The following SUGCT variants were observed in gnomAD, a reference collection of about 807,000 sequenced individuals.
SUGCT encodes succinyl-CoA:glutarate-CoA transferase, also known as succinyl-CoA:glutarate CoA-transferase.
SUGCT carries 41 observed loss-of-function variants against 55.0 expected under a neutral mutation model. The observed-to-expected ratio is 0.74, with a 90% confidence interval of 0.58 to 0.97. The LOEUF is 0.97. Ranked by LOEUF, SUGCT falls within the 50% of genes least tolerant of loss-of-function variation. SUGCT has a pLI of 0.00. For synonymous variants in SUGCT, 187 were observed against 200.4 expected, an observed-to-expected ratio of 0.93 and a Z score of 0.56; for missense variants, 568 against 547.8, an observed-to-expected ratio of 1.04 and a Z score of -0.37.
chr7:40,533,855 C>A (rs1006899717), intron 12 of SUGCT, among the ~76,000 whole-genome samples: 1 of 152,098 alleles, frequency 6.6e-6, no homozygotes, highest in African/African-American at 2.4e-5. Flanking sequence ...CATTATTACT[C>A]CCTATTGGTT....
intron 12 of SUGCT, among the ~76,000 whole-genome samples, chr7:40,569,442 G>A (rs1308727768): frequency 6.6e-6 from 1 of 152,176 alleles, no homozygotes; most frequent in African/African-American, 2.4e-5. Flanking sequence ...GCACATCTCC[G>A]CAGGAACTAG....
chr7:40,243,633 T>C (rs536774501), intron 7 of SUGCT, among the ~76,000 whole-genome samples: 12 of 151,918 alleles, frequency 7.9e-5, no homozygotes, highest in African/African-American at 2.7e-4. Flanking sequence ...ATATGTGATG[T>C]TGACAACGAA....
In SUGCT at chr7:40,514,046, T is replaced by C. The variant is rs1265916450; in HGVS notation, c.1089+17660T>C. Among the ~76,000 whole-genome samples the C allele has an allele frequency of 3.3e-5, 5 of 152,012 alleles. No individual in the cohort carries two copies. The South Asian group carries it at 1.0e-3, about 32-fold the overall frequency. ...ACCTCGTGATCCGCCCGCCTCGGCC[T>C]CCCAAAGTGCTGGGATTACAGGTGT... On this transcript the variant is annotated intron_variant, in intron 12 of 13. Coordinates refer to ENST00000335693, the MANE Select transcript of SUGCT (RefSeq NM_001193313.2).
At chr7:40,285,126 G>A (rs574964187) in intron 8 of SUGCT, among the ~76,000 whole-genome samples, 11 of 152,144 alleles carry the variant, frequency 7.2e-5, no homozygotes, top group Non-Finnish European at 1.2e-4. Context: ...TTATGGTGAT[G>A]TAACTTAATT....
chr7:40,343,908 G>A (rs1294053778), intron 9 of SUGCT, among the ~76,000 whole-genome samples: 7 of 152,060 alleles, frequency 4.6e-5, no homozygotes, highest in African/African-American at 9.7e-5. Flanking sequence ...TGCCCGCCTC[G>A]GCCTCCCAAA....
the SUGCT span, among the ~76,000 whole-genome samples, chr7:40,937,410 A>T: frequency 1.3e-5 from 2 of 152,138 alleles, no homozygotes; most frequent in Non-Finnish European, 2.9e-5. Flanking sequence ...ACCTCAGGTG[A>T]TCCACCTGCC....
intron 13 of SUGCT, among the ~76,000 whole-genome samples, chr7:40,786,528 A>G (rs188166968): frequency 6.6e-6 from 1 of 152,354 alleles, no homozygotes; most frequent in East Asian, 1.9e-4. Context: ...AGAGTATACT[A>G]GCAGAAACAA....
the SUGCT span, among the ~76,000 whole-genome samples, chr7:40,938,971 C>T: frequency 6.6e-6 from 1 of 152,182 alleles, no homozygotes; most frequent in Admixed American, 6.5e-5. Flanking sequence ...AATTGTGCTG[C>T]AATAAACATA....
chr7:40,898,486 G>GA, the SUGCT span, among the ~76,000 whole-genome samples: 5 of 91,560 alleles, frequency 5.5e-5, no homozygotes, highest in South Asian at 6.5e-4. Flanking sequence ...AGGTCGGGGG[G>GA]GGGGGGGGGG....
At chr7:40,399,539 T>C (rs1785946841) in intron 9 of SUGCT, among the ~76,000 whole-genome samples, 1 of 152,166 alleles carries the variant, frequency 6.6e-6, no homozygotes, top group African/African-American at 2.4e-5. Context: ...CACCAGGAGA[T>C]TGAGAGTTTC....
chr7:40,750,733 G>C (rs1295883662), intron 13 of SUGCT, among the ~76,000 whole-genome samples: 1 of 152,130 alleles, frequency 6.6e-6, no homozygotes, highest in Admixed American at 6.6e-5. Flanking sequence ...ATTATGCATG[G>C]ATTAAGGAAG....
At chr7:40,651,665 G>A (rs191642527) in intron 12 of SUGCT, among the ~76,000 whole-genome samples, 2 of 151,818 alleles carry the variant, frequency 1.3e-5, no homozygotes, top group African/African-American at 4.8e-5. Context: ...ATCTTTGATT[G>A]TTGCTACTTT....
At chr7:40,614,931 C>T (rs1490123393) in intron 12 of SUGCT, among the ~76,000 whole-genome samples, 1 of 151,936 alleles carries the variant, frequency 6.6e-6, no homozygotes. Context: ...TAGCAGGTGC[C>T]TATAATCCCA....
At chr7:40,199,138 C>T (rs1786457017) in intron 6 of SUGCT, among the ~76,000 whole-genome samples, 1 of 151,948 alleles carries the variant, frequency 6.6e-6, no homozygotes, top group Non-Finnish European at 1.5e-5. Context: ...AATGGTATTG[C>T]TCTCTTGTCA....
intron 9 of SUGCT, among the ~76,000 whole-genome samples, chr7:40,435,626 G>A (rs1788131200): frequency 6.6e-6 from 1 of 152,098 alleles, no homozygotes; most frequent in Admixed American, 6.6e-5. Flanking sequence ...CCTCCCCAGA[G>A]CTCACTCTCC....
At chr7:40,962,299 T>C in the SUGCT span, among the ~76,000 whole-genome samples, 1 of 152,028 alleles carries the variant, frequency 6.6e-6, no homozygotes, top group African/African-American at 2.4e-5. Flanking sequence ...GTTCTCCAAG[T>C]TCCCTACCCA....
the SUGCT span, among the ~76,000 whole-genome samples, chr7:40,921,543 A>G: frequency 6.6e-6 from 1 of 152,242 alleles, no homozygotes; most frequent in Non-Finnish European, 1.5e-5. Context: ...GGCTTAGTGT[A>G]GGCTGGAATA....
chr7:40,822,014 AT>A (rs1240050891), intron 13 of SUGCT, among the ~76,000 whole-genome samples: 3 of 152,012 alleles, frequency 2.0e-5, no homozygotes, highest in Non-Finnish European at 4.4e-5. Flanking sequence ...CCTTCATTTC[AT>A]TATGTACCCA....
intron 1 of SUGCT, among the ~76,000 whole-genome samples, chr7:40,145,438 C>T (rs1458671769): frequency 6.6e-6 from 1 of 151,918 alleles, no homozygotes; most frequent in Non-Finnish European, 1.5e-5. Flanking sequence ...TTTCTTTAAA[C>T]AACCAGTTAA....
Sources: gnomAD v4.1 joint callset for allele counts (sites outside exome capture counted in the v4.1 genomes callset) on GRCh38, gnomAD v4.1.1 for gene constraint, MANE v1.5 for transcripts, NCBI Gene and HGNC (gene_info 2026-07-23, HGNC 2026-07-21) for gene names.